CCDC146: variants seen among roughly 807,000 people sequenced by gnomAD.
The protein encoded by CCDC146 is coiled-coil domain-containing protein 146.
In CCDC146, 92 loss-of-function variants were observed where a neutral mutation model predicts 119.3. The ratio of observed to expected loss-of-function variants is 0.77; its 90% CI spans 0.65 to 0.92. The LOEUF (loss-of-function observed/expected upper bound fraction) is 0.92. Among genes scored for constraint, CCDC146 ranks in the 40% least tolerant of loss-of-function variants. The pLI, the probability that CCDC146 is intolerant of heterozygous loss-of-function variation, is 0.00. For missense variants in CCDC146, 1,000 were observed against 1,103.0 expected (o/e 0.91, Z 1.32); for synonymous variants, 372 against 371.8 (o/e 1.00, Z -0.01).
intron 2 of CCDC146, among the ~76,000 whole-genome samples, chr7:77,169,002 G>A (rs1164374252): frequency 6.6e-6 from 1 of 151,996 alleles, no homozygotes; most frequent in Non-Finnish European, 1.5e-5. Flanking sequence ...GGTCTTGCCA[G>A]TTGTCCCAAT....
At chr7:77,199,089 A>G (rs985065020) in intron 2 of CCDC146, 5 of 1,100,996 alleles carry the variant, frequency 4.5e-6, no homozygotes, top group Admixed American at 2.2e-5. Flanking sequence ...TCTGTCATCT[A>G]TTTAACTTAC....
chr7:77,250,804 T>C (rs1379120769), intron 4 of CCDC146, among the ~76,000 whole-genome samples: 2 of 149,998 alleles, frequency 1.3e-5, no homozygotes, highest in Non-Finnish European at 3.0e-5. Context: ...CCAGAGTTCT[T>C]GGATATTCTG....
intron 2 of CCDC146, among the ~76,000 whole-genome samples, chr7:77,232,514 T>C (rs1792650422): frequency 6.6e-6 from 1 of 152,256 alleles, no homozygotes; most frequent in South Asian, 2.1e-4. Flanking sequence ...CTATGTCTGT[T>C]ATTTTTTACA....
At chr7:77,202,367 T>TG (rs1414245713) in intron 2 of CCDC146, among the ~76,000 whole-genome samples, 1 of 152,248 alleles carries the variant, frequency 6.6e-6, no homozygotes, top group East Asian at 1.9e-4. Context: ...TTTGGACTCT[T>TG]GCAGTGGGCT....
At chr7:77,126,695 C>T (rs575784722) in intron 1 of CCDC146, among the ~76,000 whole-genome samples, 1 of 152,204 alleles carries the variant, frequency 6.6e-6, no homozygotes, top group East Asian at 1.9e-4. Context: ...GCAGCTGGTC[C>T]TTGTGTAGTC....
intron 4 of CCDC146, among the ~76,000 whole-genome samples, chr7:77,251,757 C>T (rs932448430): frequency 1.3e-5 from 2 of 152,224 alleles, no homozygotes; most frequent in African/African-American, 4.8e-5. Context: ...CTCTTTTGCT[C>T]GCTCGCTCTT....
intron 14 of CCDC146, chr7:77,282,305 C>T: frequency 2.6e-6 from 1 of 381,730 alleles, no homozygotes. Flanking sequence ...ACCTTTGGGA[C>T]TTTCAGAGAC....
At chr7:77,161,867 T>C (rs1791268282) in intron 1 of CCDC146, among the ~76,000 whole-genome samples, 2 of 152,118 alleles carry the variant, frequency 1.3e-5, no homozygotes, top group Non-Finnish European at 2.9e-5. Flanking sequence ...GACATCTTAT[T>C]GTGGTTTTGA....
At chr7:77,286,983 G>GTACCATAGGTATCTGTGAA in intron 16 of CCDC146, 57 bp downstream of exon 16, 1 of 1,577,690 alleles carries the variant, frequency 6.3e-7, no homozygotes, top group Non-Finnish European at 8.7e-7. Context: ...TAGTTTCACA[G>GTACCATAGGTATCTGTGAA]ATACCTATGG....
At chr7:77,199,330 T>A (rs1230455911) in intron 2 of CCDC146, 1 of 1,614,012 alleles carries the variant, frequency 6.2e-7, no homozygotes, top group East Asian at 2.2e-5. Flanking sequence ...CAGGCGACCA[T>A]GAAGTACATT....
chr7:77,231,595 T>C (rs1008553340), intron 2 of CCDC146, among the ~76,000 whole-genome samples: 1 of 152,066 alleles, frequency 6.6e-6, no homozygotes, highest in Non-Finnish European at 1.5e-5. Context: ...ACTCCTCCAG[T>C]GAATTTTTCA....
At chr7:77,128,131 G>C (rs1476429392) in intron 1 of CCDC146, among the ~76,000 whole-genome samples, 1 of 151,852 alleles carries the variant, frequency 6.6e-6, no homozygotes, top group Non-Finnish European at 1.5e-5. Context: ...CTGTTATGAG[G>C]TTGCTGTTTC....
chr7:77,260,226 T>C lies in CCDC146; in HGVS notation c.976T>C (p.Leu326=). 3 of 1,610,528 alleles carry C rather than the reference T, an allele frequency of 1.9e-6. No individual in the cohort carries two copies. The highest frequency in any genetic ancestry group is 2.5e-6 in the Non-Finnish European group (3 of 1,178,314). The change falls in exon 8 of 19, where the codon TTA becomes CTA. Residue 326 remains leucine, a synonymous_variant. Coordinates refer to ENST00000285871, the MANE Select transcript of CCDC146 (RefSeq NM_020879.3). ...AGCCAGAGAGAATGAAGCAACTTCA[T>C]TAACTGAAAGGTTAGTTATATTTAT... ...ELARENEATS[L]TERGILDLNL... is the part of the protein sequence containing the mutation.
At chr7:77,138,806 A>G (rs933072771) in intron 1 of CCDC146, among the ~76,000 whole-genome samples, 26 of 152,208 alleles carry the variant, frequency 1.7e-4, no homozygotes, top group African/African-American at 5.8e-4. Context: ...AGTTAAAACA[A>G]TAGTAAGATA....
At chr7:77,202,405 G>A (rs1006298695) in intron 2 of CCDC146, among the ~76,000 whole-genome samples, 3 of 152,214 alleles carry the variant, frequency 2.0e-5, no homozygotes, top group Admixed American at 6.5e-5. Context: ...AATCAGAAAT[G>A]TGCGTGTCAA....
At chr7:77,263,778 G>A (rs1328763350) in intron 9 of CCDC146, among the ~76,000 whole-genome samples, 1 of 152,154 alleles carries the variant, frequency 6.6e-6, no homozygotes, top group Admixed American at 6.5e-5. Flanking sequence ...ACAAAAATTG[G>A]TCGGGTGTGC....
At chr7:77,142,852 G>A (rs1385708256) in intron 1 of CCDC146, among the ~76,000 whole-genome samples, 2 of 151,708 alleles carry the variant, frequency 1.3e-5, no homozygotes, top group African/African-American at 4.9e-5. Flanking sequence ...CTTTGCTATT[G>A]TGAATAGGGC....
At chr7:77,241,931 A>G (rs1554356397) in intron 4 of CCDC146, 31 bp downstream of exon 4, 1 of 1,540,616 alleles carries the variant, frequency 6.5e-7, no homozygotes, top group South Asian at 1.1e-5. Context: ...GGCACACTGA[A>G]AAGTCTTTTC....
At chr7:77,250,081 A>C (rs3108420) in intron 4 of CCDC146, among the ~76,000 whole-genome samples, 102,834 of 151,714 alleles carry the variant, frequency 0.68, 38,571 homozygotes, top group Non-Finnish European at 0.86. Flanking sequence ...CTTTTTAAGT[A>C]ACAAAATAGT....
Sources: allele counts gnomAD v4.1 joint callset (sites outside exome capture counted in the v4.1 genomes callset), GRCh38; gene constraint gnomAD v4.1.1; transcripts MANE v1.5; gene names NCBI Gene and HGNC (gene_info 2026-07-23, HGNC 2026-07-21).